The following HKDC1 variants were observed in gnomAD, a reference collection of about 807,000 sequenced individuals.
The protein encoded by HKDC1 is hexokinase HKDC1.
HKDC1 carries 66 observed loss-of-function variants against 96.6 expected under a neutral mutation model. That is an observed-to-expected ratio of 0.68 (90% CI 0.56 to 0.84). The LOEUF (loss-of-function observed/expected upper bound fraction) is 0.84. Ranked by LOEUF, HKDC1 falls within the 40% of genes least tolerant of loss-of-function variation. The probability of loss-of-function intolerance (pLI) is 0.00; values close to 1 mark genes in which losing one functional copy is unlikely to be tolerated. For synonymous variants in HKDC1, 466 were observed against 473.1 expected (o/e 0.98, Z 0.20); for missense variants, 1,211 against 1,208.1 (o/e 1.00, Z -0.04).
intron 16 of HKDC1, chr10:69,265,337 A>G (rs1353550321): frequency 4.0e-6 from 2 of 503,592 alleles, no homozygotes; most frequent in Non-Finnish European, 7.0e-6. Context: ...TAGTGAGATC[A>G]CAGATATGAA....
intron 1 of HKDC1, among the ~76,000 whole-genome samples, chr10:69,221,750 T>G (rs897817295): frequency 6.6e-6 from 1 of 151,278 alleles, no homozygotes; most frequent in African/African-American, 2.4e-5. Flanking sequence ...CTGGGCAACA[T>G]GGAGCAACCC....
rs1165210810 is a variant in HKDC1 at position 69,250,210 on chromosome 10, G to T, written c.1571-80G>T. On this transcript the variant is annotated intron_variant, in intron 10 of 17. Coordinates refer to ENST00000354624, the MANE Select transcript of HKDC1 (RefSeq NM_025130.4). Reference sequence around the variant, plus strand: ...GGAGTGCAGGCCCTGGGTCCGCTCTGCTCCGACGTCTCCTCTTCCTCCCAA... The same window carrying T: ...GGAGTGCAGGCCCTGGGTCCGCTCTTCTCCGACGTCTCCTCTTCCTCCCAA... The T allele has an allele frequency of 2.0e-6, 3 of 1,511,318 alleles. No individual in the cohort carries two copies. The East Asian group carries it at 6.8e-5, about 34-fold the overall frequency. 93.6% of individuals were successfully genotyped at this position (1,511,318 alleles called of 1,614,324 possible).
intron 12 of HKDC1, among the ~76,000 whole-genome samples, chr10:69,254,865 A>G (rs561650118): frequency 6.6e-6 from 1 of 152,374 alleles, no homozygotes; most frequent in South Asian, 2.1e-4. Flanking sequence ...AAAAATACTA[A>G]TAAATGGAGA....
chr10:69,265,921 C>T (rs1312522770), intron 17 of HKDC1, 103 bp downstream of exon 17: 1 of 816,384 alleles, frequency 1.2e-6, no homozygotes, highest in East Asian at 2.7e-5. Context: ...AGATGCATCC[C>T]CGTCCTTTTA....
rs1481769824 is a variant in HKDC1 at position 69,239,054 on chromosome 10, T to C, written c.508T>C (p.Ser170Pro). The change falls in exon 5 of 18, where the codon TCG becomes CCG. Residue 170 changes from serine to proline, a missense_variant. By Grantham distance (74) the Ser-to-Pro change is moderately conservative. Coordinates refer to ENST00000354624, the MANE Select transcript of HKDC1 (RefSeq NM_025130.4). ...AATCTTCTCCCAGGGTGTCCTACTT[T>C]CGTGGACAAAAAAGTTTAAGGCACG... ...QTKLEEGVLL[S>P]WTKKFKARGV... 3.0e-5 allele frequency: 48 copies of C among 1,613,280 alleles called. No homozygotes were observed. The highest frequency in any genetic ancestry group is 1.7e-4 in the Middle Eastern group (1 of 6,056).
At chr10:69,241,590 TCTC>T (rs1843457853) in intron 6 of HKDC1, among the ~76,000 whole-genome samples, 1 of 152,096 alleles carries the variant, frequency 6.6e-6, no homozygotes, top group East Asian at 1.9e-4. Flanking sequence ...CTCAAGCAAT[TCTC>T]CTGCCTCAGC....
In HKDC1 at chr10:69,220,389, T is replaced by G. The variant is rs374743639; in HGVS notation, c.-47T>G. 1 of 1,485,440 alleles carries G rather than the reference T, an allele frequency of 6.7e-7. No homozygotes were observed. The allele number at this position is 1,485,440 out of a possible 1,614,324, so 92.0% of individuals were successfully genotyped here. A position where few individuals can be genotyped will look rare whatever the true frequency, so the allele number is the denominator to read the frequency against. ...ACTCCAGAGTCGTAGGAGTGAACAC[T>G]GCACAGGAATCTCTGCCCATCTCAG... On this transcript the variant is annotated 5_prime_UTR_variant, in exon 1 of 18. Coordinates refer to ENST00000354624, the MANE Select transcript of HKDC1 (RefSeq NM_025130.4).
rs748606620 is a variant in HKDC1 at position 69,243,322 on chromosome 10, G to A, written c.832G>A (p.Asp278Asn). ...CCTGGAGGACATTCGCACTGAGTTC[G>A]ACAGGGAGCTGGACCTCGGCTCTCT... ...GALEDIRTEFDRELDLGSLNP... is the reference protein window; with the variant it reads ...GALEDIRTEFNRELDLGSLNP... The change falls in exon 7 of 18, where the codon GAC becomes AAC. Residue 278 changes from aspartate to asparagine, a missense_variant. Physicochemically the swap from Asp to Asn is conservative, Grantham distance 23. Coordinates refer to ENST00000354624, the MANE Select transcript of HKDC1 (RefSeq NM_025130.4). 3.7e-6 allele frequency: 6 copies of A among 1,610,810 alleles called. No homozygotes were observed. The African/African-American group carries it at 4.0e-5, about 11-fold the overall frequency.
At chr10:69,231,487 C>T (rs1164418939) in intron 2 of HKDC1, among the ~76,000 whole-genome samples, 2 of 152,096 alleles carry the variant, frequency 1.3e-5, no homozygotes, top group Non-Finnish European at 2.9e-5. Context: ...CCCTGGGACC[C>T]CCGCTCCCGG....
Position 69,266,781 on chromosome 10 carries a change from G to A in HKDC1, c.*24G>A. ...AGGAACCCCTGGGATTGGACCTGAT[G>A]CATCTTGGATACTGAACAGCTTTTC... On this transcript the variant is annotated 3_prime_UTR_variant, in exon 18 of 18. Transcript: ENST00000354624. 1.9e-6 allele frequency: 3 copies of A among 1,608,002 alleles called. No individual in the cohort carries two copies. The highest frequency in any genetic ancestry group is 2.5e-6 in the Non-Finnish European group (3 of 1,177,488).
chr10:69,239,225 C>T, intron 5 of HKDC1, 88 bp downstream of exon 5: 1 of 867,092 alleles, frequency 1.2e-6, no homozygotes, highest in East Asian at 2.6e-5. Context: ...GTGAGGGGGT[C>T]ACATATGGTG....
Position 69,250,157 on chromosome 10 carries a change from C to G in HKDC1, c.1571-133C>G. ...GGCCCGGGCACTGTGCAGGGTGGCC[C>G]CCACGACCCTCTGGTCTATGAGGCC... On this transcript the variant is annotated intron_variant, in intron 10 of 17. Coordinates refer to ENST00000354624, the MANE Select transcript of HKDC1 (RefSeq NM_025130.4). The G allele has an allele frequency of 4.9e-6, 5 of 1,016,252 alleles. No homozygotes were observed. In the South Asian group the frequency reaches 7.8e-5, roughly 16 times the overall value. 63.0% of individuals were successfully genotyped at this position (1,016,252 alleles called of 1,614,324 possible).
chr10:69,241,731 C>T (rs1031543793), intron 6 of HKDC1, among the ~76,000 whole-genome samples: 2 of 152,174 alleles, frequency 1.3e-5, no homozygotes, highest in African/African-American at 2.4e-5. Flanking sequence ...GTGATTCACC[C>T]GCCTTGGTCT....
chr10:69,237,699 C>G (rs899732166), intron 4 of HKDC1, among the ~76,000 whole-genome samples: 1 of 152,220 alleles, frequency 6.6e-6, no homozygotes. Context: ...CCCGCTCTGT[C>G]CCTGGAGACA....
chr10:69,248,650 G>C lies in HKDC1; in HGVS notation c.1492G>C (p.Gly498Arg), dbSNP rs1238974356. 1 of 1,614,040 alleles carries C rather than the reference G, an allele frequency of 6.2e-7. No individual in the cohort carries two copies. The highest frequency in any genetic ancestry group is 8.5e-7 in the Non-Finnish European group (1 of 1,180,032). The change falls in exon 10 of 18, where the codon GGG (glycine) becomes CGG (arginine). Residue 498 changes from glycine (G) to arginine (R), a missense_variant. By Grantham distance (125) the Gly-to-Arg change is moderately radical. Coordinates refer to ENST00000354624, the MANE Select transcript of HKDC1 (RefSeq NM_025130.4). ...CAAGATGCGGGCTGAGCTGGAGTAT[G>C]GGCTGAAGAAGAAGAGCCACGGGCT... is the stretch of plus-strand genomic sequence containing the variant. ...QAKMRAELEY[G>R]LKKKSHGLAT...
At chr10:69,263,428 T>TAA (rs141617497) in intron 16 of HKDC1, among the ~76,000 whole-genome samples, 1 of 150,200 alleles carries the variant, frequency 6.7e-6, no homozygotes, top group Non-Finnish European at 1.5e-5. Context: ...CTTCATGGAA[T>TAA]AAAAAAAAAA....
At chr10:69,266,513 C>A in intron 17 of HKDC1, 97 bp from the exon 18 acceptor site, 2 of 1,334,860 alleles carry the variant, frequency 1.5e-6, no homozygotes, top group Non-Finnish European at 2.0e-6. Flanking sequence ...GAAAAGCAAA[C>A]CAAAGGGAAG....
At chr10:69,243,146 C>T (rs1481690197) in intron 6 of HKDC1, 36 bp from the exon 7 acceptor site, 3 of 1,606,266 alleles carry the variant, frequency 1.9e-6, no homozygotes, top group Non-Finnish European at 2.6e-6. Flanking sequence ...AGCTGGGAGT[C>T]CTCTCTCTGC....
chr10:69,243,038 T>G, intron 6 of HKDC1, 144 bp from the exon 7 acceptor site: 1 of 745,890 alleles, frequency 1.3e-6, no homozygotes. Flanking sequence ...TTGCCCAAGC[T>G]GCTTCCCTCA....
Sources: allele counts gnomAD v4.1 joint callset (sites outside exome capture counted in the v4.1 genomes callset), GRCh38; gene constraint gnomAD v4.1.1; transcripts MANE v1.5; gene names NCBI Gene and HGNC (gene_info 2026-07-23, HGNC 2026-07-21).